The following STON1 variants were observed in gnomAD, a reference collection of about 807,000 sequenced individuals.
The protein encoded by STON1 is stonin-1.
In STON1, 79 loss-of-function variants were observed where a neutral mutation model predicts 60.9. That is an observed-to-expected ratio of 1.30 (90% CI 1.08 to 1.56). The LOEUF is 1.56. Among genes scored for constraint, STON1 ranks in the 40% most tolerant of loss-of-function variants. The probability of loss-of-function intolerance (pLI) is 0.00; values close to 1 mark genes in which losing one functional copy is unlikely to be tolerated. For missense variants in STON1, 1,166 were observed against 858.9 expected (o/e 1.36, Z -4.47); for synonymous variants, 363 against 306.9 (o/e 1.18, Z -1.91).
intron 1 of STON1, among the ~76,000 whole-genome samples, chr2:48,540,175 G>T (rs1671598927): frequency 6.6e-6 from 1 of 152,072 alleles, no homozygotes; most frequent in South Asian, 2.1e-4. Flanking sequence ...TGATATTTTT[G>T]TTATCATATT....
chr2:48,569,438 C>T (rs1004334915), intron 1 of STON1, among the ~76,000 whole-genome samples: 4 of 149,466 alleles, frequency 2.7e-5, no homozygotes, highest in Non-Finnish European at 5.9e-5. Context: ...ATGTCTTATC[C>T]AATGATTCTT....
chr2:48,572,068 CAGG>C (rs1467351708), intron 1 of STON1, among the ~76,000 whole-genome samples: 1 of 152,166 alleles, frequency 6.6e-6, no homozygotes, highest in Non-Finnish European at 1.5e-5. Context: ...GAGGCTGAGG[CAGG>C]AGAATTGCTT....
chr2:48,543,827 C>T (rs992637603), intron 1 of STON1, among the ~76,000 whole-genome samples: 20 of 152,202 alleles, frequency 1.3e-4, no homozygotes, highest in African/African-American at 4.3e-4. Flanking sequence ...CCACCACTCC[C>T]GACAACGATA....
At chr2:48,575,402 C>A (rs952350937) in intron 1 of STON1, among the ~76,000 whole-genome samples, 9 of 151,964 alleles carry the variant, frequency 5.9e-5, no homozygotes, top group Non-Finnish European at 1.0e-4. Context: ...ACCTGTAATC[C>A]CAGCACTTTG....
chr2:48,564,486 C>CTTCTTCTTCT, intron 1 of STON1, among the ~76,000 whole-genome samples: 1 of 24,684 alleles, frequency 4.1e-5, no homozygotes. Context: ...CTTCTTTCTT[C>CTTCTTCTTCT]TTCTTCTTCT....
chr2:48,539,938 C>T (rs1208656362), intron 1 of STON1, among the ~76,000 whole-genome samples: 1 of 152,092 alleles, frequency 6.6e-6, no homozygotes, highest in Non-Finnish European at 1.5e-5. Flanking sequence ...TTATGACCTC[C>T]AGCTTTTTGT....
At chr2:48,572,242 G>A (rs1238905178) in intron 1 of STON1, among the ~76,000 whole-genome samples, 1 of 152,266 alleles carries the variant, frequency 6.6e-6, no homozygotes, top group South Asian at 2.1e-4. Flanking sequence ...TGGGAAGCAG[G>A]CCTCCCCTCG....
At chr2:48,539,183 G>T (rs1466172192) in intron 1 of STON1, among the ~76,000 whole-genome samples, 21 of 152,130 alleles carry the variant, frequency 1.4e-4, no homozygotes. Context: ...CTTTGAAAGT[G>T]TTGGGATTAC....
intron 1 of STON1, among the ~76,000 whole-genome samples, chr2:48,551,245 A>G (rs1374217088): frequency 6.6e-6 from 1 of 152,098 alleles, no homozygotes; most frequent in East Asian, 1.9e-4. Flanking sequence ...TGGACTATAG[A>G]TGGGTGTTTC....
At chr2:48,548,176 A>G (rs530859362) in intron 1 of STON1, among the ~76,000 whole-genome samples, 19 of 152,262 alleles carry the variant, frequency 1.2e-4, no homozygotes, top group African/African-American at 4.3e-4. Context: ...ACATGACACA[A>G]TTTTTACAGG....
rs544803893 is a variant in STON1 at position 48,574,142 on chromosome 2, G to T, written c.-47-6445G>T. Among the ~76,000 whole-genome samples the T allele has an allele frequency of 2.0e-5, 3 of 152,190 alleles. No homozygotes were observed. In the East Asian group the frequency reaches 5.8e-4, roughly 29 times the overall value. ...TGTAATCCCAGCACTATGGGAGGCC[G>T]AGGCAGGTGGATCACTTGAGATCAG... On this transcript the variant is annotated intron_variant, in intron 1 of 3. Transcript: ENST00000404752.
At chr2:48,551,548 C>G (rs1672106263) in intron 1 of STON1, among the ~76,000 whole-genome samples, 3 of 152,230 alleles carry the variant, frequency 2.0e-5, no homozygotes, top group Admixed American at 1.3e-4. Context: ...CTGCCTGATT[C>G]TGGGGACGGG....
rs1436013074 is a variant in STON1, at chr2:48,542,345, G to A, written c.-48+12129G>A. Among the ~76,000 whole-genome samples, 5 of 152,196 alleles carry A rather than the reference G, an allele frequency of 3.3e-5. No homozygotes were observed. In the South Asian group the frequency reaches 1.0e-3, roughly 31 times the overall value. On this transcript the variant is annotated intron_variant, in intron 1 of 3. Transcript: ENST00000404752. ...GGAAAGAAATGGGCTTTGGAGTCAA[G>A]CAGATCTGGGTTTGAATCTAAGCTT...
rs759393114 is a variant in STON1 at position 48,581,621 on chromosome 2, C to A, written c.988C>A (p.Leu330Ile). ...GATACAGCTTGATCCATATTGTAGG[C>A]TTTCTGAACCCAAGGTTGAGAACTT... ...KEIQLDPYCRLSEPKVENFSV... is the reference protein window; with the variant it reads ...KEIQLDPYCRISEPKVENFSV... Residue 330 changes from leucine to isoleucine, a missense_variant, in exon 2 of 4, where the codon CTT (leucine) becomes ATT (isoleucine). Leu to Ile is a conservative substitution (Grantham distance 5). Coordinates refer to ENST00000404752, the MANE Select transcript of STON1 (RefSeq NM_006873.4). 14 of 1,614,086 alleles carry A rather than the reference C, an allele frequency of 8.7e-6. No individual in the cohort carries two copies. Among genetic ancestry groups the A allele is most frequent in the Non-Finnish European group, 1.2e-5 (14 of 1,180,044 alleles).
At chr2:48,551,983 G>A (rs1672125577) in intron 1 of STON1, among the ~76,000 whole-genome samples, 1 of 152,164 alleles carries the variant, frequency 6.6e-6, no homozygotes, top group Non-Finnish European at 1.5e-5. Context: ...TGTGTTTTGG[G>A]TGGACTCTCC....
chr2:48,564,426 TTC>T (rs1672752081), intron 1 of STON1, among the ~76,000 whole-genome samples: 1 of 43,288 alleles, frequency 2.3e-5, no homozygotes, highest in African/African-American at 8.2e-5. Context: ...CTTCTTCTTC[TTC>T]TTCTTCTTCT....
In STON1 at chr2:48,595,621, C is replaced by G. The variant is rs1242512192; in HGVS notation, c.*319C>G. ...TGATTTTTGATTACTCAGTGGCTGA[C>G]TGTTTTGCTCTCTGGATTACTGAGG... On this transcript the variant is annotated 3_prime_UTR_variant, in exon 4 of 4. Transcript: ENST00000404752. 9.7e-6 allele frequency: 3 copies of G among 309,584 alleles called. No homozygotes were observed. Among genetic ancestry groups the G allele is most frequent in the African/African-American group, 6.7e-5 (3 of 44,824 alleles). The allele number at this position is 309,584 out of a possible 1,614,324, so 19.2% of individuals were successfully genotyped here. A position where few individuals can be genotyped will look rare whatever the true frequency, so the allele number is the denominator to read the frequency against.
chr2:48,564,493 TTCTTCTTCTTCTTC>T (rs1672801069), intron 1 of STON1, among the ~76,000 whole-genome samples: 1 of 21,240 alleles, frequency 4.7e-5, no homozygotes, highest in Non-Finnish European at 8.8e-5. Context: ...CTTCTTCTTC[TTCTTCTTCTTCTTC>T]TTCTTCTTCT....
At chr2:48,549,212 A>G (rs1031530193) in intron 1 of STON1, among the ~76,000 whole-genome samples, 1 of 152,136 alleles carries the variant, frequency 6.6e-6, no homozygotes, top group East Asian at 1.9e-4. Flanking sequence ...TAAAAAGAGT[A>G]ACAAGAGCAG....
Sources: gnomAD v4.1 joint callset for allele counts (sites outside exome capture counted in the v4.1 genomes callset) on GRCh38, gnomAD v4.1.1 for gene constraint, MANE v1.5 for transcripts, NCBI Gene and HGNC (gene_info 2026-07-23, HGNC 2026-07-21) for gene names.